FGF14: variants seen among roughly 807,000 people sequenced by gnomAD.
The protein encoded by FGF14 is fibroblast growth factor 14.
A neutral mutation model predicts 25.5 loss-of-function variants in FGF14; 5 were observed. That is an observed-to-expected ratio of 0.20 (90% confidence interval 0.10 to 0.41). The LOEUF (loss-of-function observed/expected upper bound fraction) is 0.41, where lower values mean the gene tolerates loss of function less well. FGF14 is among the 10% of genes least tolerant of loss of function. The pLI is 1.00. For synonymous variants in FGF14, 138 were observed against 118.3 expected (o/e 1.17, Z -1.08); for missense variants, 222 against 320.1 (o/e 0.69, Z 2.34).
intron 1 of FGF14, among the ~76,000 whole-genome samples, chr13:102,247,608 C>T (rs1191130396): frequency 1.3e-5 from 2 of 151,964 alleles, no homozygotes; most frequent in African/African-American, 2.4e-5. Flanking sequence ...GGCAAGGTTG[C>T]AGATAAAAAG....
chr13:101,915,058 C>T (rs1165301847), intron 1 of FGF14, among the ~76,000 whole-genome samples: 2 of 152,092 alleles, frequency 1.3e-5, no homozygotes, highest in African/African-American at 4.8e-5. Flanking sequence ...TGATTGATCC[C>T]AAATTCTCCA....
chr13:101,929,368 C>T (rs1263901777), intron 1 of FGF14, among the ~76,000 whole-genome samples: 2 of 152,152 alleles, frequency 1.3e-5, no homozygotes, highest in African/African-American at 4.8e-5. Flanking sequence ...AATAGAGGAA[C>T]CCTGAGTTAC....
chr13:102,048,858 T>G (rs924809777), intron 1 of FGF14, among the ~76,000 whole-genome samples: 1 of 152,200 alleles, frequency 6.6e-6, no homozygotes, highest in Non-Finnish European at 1.5e-5. Context: ...AAAAGAGGAT[T>G]CTCTTATTGA....
chr13:101,783,274 A>G (rs947514213), intron 3 of FGF14, among the ~76,000 whole-genome samples: 43 of 152,208 alleles, frequency 2.8e-4, no homozygotes, highest in Non-Finnish European at 6.2e-4. Context: ...GATCAAGACC[A>G]TCCTGGACAA....
chr13:101,722,383 C>T lies in FGF14; in HGVS notation c.*448G>A, dbSNP rs950835773. 10 of 235,754 alleles carry T rather than the reference C, an allele frequency of 4.2e-5. No individual in the cohort carries two copies. The highest frequency in any genetic ancestry group is 2.1e-4 in the African/African-American group (9 of 43,652). The allele number at this position is 235,754 out of a possible 1,614,324, so 14.6% of individuals were successfully genotyped here. A position where few individuals can be genotyped will look rare whatever the true frequency, so the allele number is the denominator to read the frequency against. ...TGTAAAAATGGGAAGAAGAGAAATCCGTAATAGCACAGGTTTACAGCGTCT... is the reference window on the plus strand; with the variant it reads ...TGTAAAAATGGGAAGAAGAGAAATCTGTAATAGCACAGGTTTACAGCGTCT... On this transcript the variant is annotated 3_prime_UTR_variant, in exon 5 of 5. Coordinates refer to ENST00000376143, the MANE Select transcript of FGF14 (RefSeq NM_004115.4).
intron 4 of FGF14, 56 bp from the exon 5 acceptor site, chr13:101,723,023 A>C: frequency 6.2e-7 from 1 of 1,607,870 alleles, no homozygotes; most frequent in Non-Finnish European, 8.5e-7. Context: ...TAGGTGTGAG[A>C]ATGGTCCATC....
At chr13:102,205,984 TAAAAAAAAAAAAAAA>T (rs36108366) in intron 1 of FGF14, among the ~76,000 whole-genome samples, 5 of 47,440 alleles carry the variant, frequency 1.1e-4, no homozygotes, top group Admixed American at 3.4e-4. Flanking sequence ...CTCCCTGTGG[TAAAAAAAAAAAAAAA>T]AAAAAAAAAA....
intron 2 of FGF14, among the ~76,000 whole-genome samples, chr13:101,871,588 T>C (rs1458501619): frequency 1.3e-5 from 2 of 151,956 alleles, no homozygotes; most frequent in Non-Finnish European, 2.9e-5. Flanking sequence ...TGTATTGATA[T>C]CTGTAGAGTC....
At chr13:101,994,058 CTT>C (rs746453733) in intron 1 of FGF14, among the ~76,000 whole-genome samples, 1 of 152,038 alleles carries the variant, frequency 6.6e-6, no homozygotes, top group Admixed American at 6.6e-5. Context: ...GGGATTAAGA[CTT>C]TATTCTAAAA....
intron 1 of FGF14, among the ~76,000 whole-genome samples, chr13:102,214,555 C>T (rs1049615341): frequency 6.6e-6 from 1 of 152,174 alleles, no homozygotes; most frequent in Non-Finnish European, 1.5e-5. Flanking sequence ...TAAATTCATC[C>T]TTTAAGTCAT....
intron 3 of FGF14, among the ~76,000 whole-genome samples, chr13:101,774,690 A>C (rs1479294582): frequency 6.6e-6 from 1 of 152,172 alleles, no homozygotes; most frequent in Non-Finnish European, 1.5e-5. Flanking sequence ...TTTCAAGGTC[A>C]TATTCAGCTG....
At chr13:102,197,834 C>T (rs1555376182) in intron 1 of FGF14, among the ~76,000 whole-genome samples, 1 of 152,242 alleles carries the variant, frequency 6.6e-6, no homozygotes, top group Non-Finnish European at 1.5e-5. Context: ...TTCAGGGTCT[C>T]AGAATCAAAA....
At chr13:102,346,636 C>T (rs1158507806) in intron 1 of FGF14, among the ~76,000 whole-genome samples, 4 of 151,774 alleles carry the variant, frequency 2.6e-5, no homozygotes, top group Non-Finnish European at 1.5e-5. Context: ...ACACATTACA[C>T]ATAACATATG....
chr13:102,048,692 A>G (rs1369287670), intron 1 of FGF14, among the ~76,000 whole-genome samples: 1 of 152,190 alleles, frequency 6.6e-6, no homozygotes, highest in African/African-American at 2.4e-5. Flanking sequence ...ATGCTATTTG[A>G]AATAACTCAC....
intron 1 of FGF14, among the ~76,000 whole-genome samples, chr13:102,321,470 C>T (rs2056241842): frequency 6.6e-6 from 1 of 152,034 alleles, no homozygotes; most frequent in Non-Finnish European, 1.5e-5. Flanking sequence ...TTCCCAGGGT[C>T]ATTATAAACA....
intron 1 of FGF14, among the ~76,000 whole-genome samples, chr13:102,060,241 C>A (rs556182186): frequency 8.5e-5 from 13 of 152,080 alleles, no homozygotes; most frequent in African/African-American, 3.1e-4. Flanking sequence ...AGAAATAAAT[C>A]TGGGCAGGTC....
chr13:102,379,866 AAAT>A (rs982284409), intron 1 of FGF14, among the ~76,000 whole-genome samples: 1 of 152,168 alleles, frequency 6.6e-6, no homozygotes, highest in African/African-American at 2.4e-5. Flanking sequence ...TTCCTTAAGA[AAAT>A]AAACCAAGAG....
intron 1 of FGF14, among the ~76,000 whole-genome samples, chr13:101,968,148 G>A (rs1472472991): frequency 2.0e-5 from 3 of 152,188 alleles, no homozygotes; most frequent in African/African-American, 7.2e-5. Flanking sequence ...TCAAATGAGT[G>A]AAAGTGCAGT....
chr13:101,964,206 C>T (rs1348497464), intron 1 of FGF14, among the ~76,000 whole-genome samples: 10 of 152,058 alleles, frequency 6.6e-5, no homozygotes, highest in Admixed American at 6.6e-4. Context: ...AAGGGTTTCC[C>T]CTCTGTGGAT....
Sources: allele counts gnomAD v4.1 joint callset (sites outside exome capture counted in the v4.1 genomes callset), GRCh38; gene constraint gnomAD v4.1.1; transcripts MANE v1.5; gene names NCBI Gene and HGNC (gene_info 2026-07-23, HGNC 2026-07-21).